The following TBC1D19 variants were observed in gnomAD, a reference collection of about 807,000 sequenced individuals.
The protein encoded by TBC1D19 is TBC1 domain family member 19, also known as TBC1 domain family, member 19.
In TBC1D19, 60 loss-of-function variants were observed where a neutral mutation model predicts 89.0. That is an observed-to-expected ratio of 0.67 (90% CI 0.55 to 0.84). The LOEUF (loss-of-function observed/expected upper bound fraction) is 0.84, where lower values mean the gene tolerates loss of function less well. Ranked by LOEUF, TBC1D19 falls within the 40% of genes least tolerant of loss-of-function variation. TBC1D19 has a pLI of 0.00. For synonymous variants in TBC1D19, 189 were observed against 199.7 expected, an observed-to-expected ratio of 0.95 and a Z score of 0.45; for missense variants, 500 against 610.8, an observed-to-expected ratio of 0.82 and a Z score of 1.91.
intron 1 of TBC1D19, among the ~76,000 whole-genome samples, chr4:26,602,758 T>C (rs1398312884): frequency 1.3e-5 from 2 of 151,742 alleles, no homozygotes; most frequent in East Asian, 3.9e-4. Flanking sequence ...TGTATTATTT[T>C]CCACCACACA....
the TBC1D19 span, among the ~76,000 whole-genome samples, chr4:26,847,196 T>C: frequency 1.3e-5 from 2 of 152,188 alleles, no homozygotes; most frequent in Admixed American, 1.3e-4. Context: ...AATGCCTACC[T>C]TGATGGAACT....
At chr4:26,588,678 ATT>A (rs1246260161) in intron 1 of TBC1D19, among the ~76,000 whole-genome samples, 1 of 152,130 alleles carries the variant, frequency 6.6e-6, no homozygotes, top group East Asian at 1.9e-4. Flanking sequence ...CCCATGGGTT[ATT>A]TATAAATGTG....
chr4:26,667,872 G>A (rs1711954341), intron 9 of TBC1D19, among the ~76,000 whole-genome samples: 1 of 151,964 alleles, frequency 6.6e-6, no homozygotes, highest in South Asian at 2.1e-4. Flanking sequence ...TAGTTTTGTT[G>A]TATGTCCTCA....
At chr4:26,585,483 AAAAT>A (rs929876706) in intron 1 of TBC1D19, among the ~76,000 whole-genome samples, 3 of 152,110 alleles carry the variant, frequency 2.0e-5, no homozygotes, top group East Asian at 3.8e-4. Context: ...CATTAAAAAA[AAAAT>A]AGTGTTGTCT....
chr4:26,653,344 G>C (rs897198455), intron 7 of TBC1D19, among the ~76,000 whole-genome samples: 1 of 152,172 alleles, frequency 6.6e-6, no homozygotes, highest in African/African-American at 2.4e-5. Flanking sequence ...TGTATATTCT[G>C]TTGACTTGGG....
At chr4:26,603,558 A>T (rs1478426039) in intron 1 of TBC1D19, among the ~76,000 whole-genome samples, 4 of 152,160 alleles carry the variant, frequency 2.6e-5, no homozygotes, top group African/African-American at 9.7e-5. Flanking sequence ...ACATATATGT[A>T]TGAGGGTGGA....
upstream of TBC1D19, chr4:26,584,072 T>C: frequency 1.1e-6 from 1 of 945,562 alleles, no homozygotes; most frequent in Non-Finnish European, 1.6e-6. Flanking sequence ...TAACGCCCGC[T>C]GGAGGAGTCC....
At chr4:26,591,196 A>T (rs994892524) in intron 1 of TBC1D19, among the ~76,000 whole-genome samples, 3 of 151,738 alleles carry the variant, frequency 2.0e-5, no homozygotes, top group Non-Finnish European at 2.9e-5. Context: ...TATTCATTTA[A>T]TGTTCCTCTC....
chr4:26,823,255 A>ATTACCTCCCCAT, the TBC1D19 span, among the ~76,000 whole-genome samples: 1 of 152,180 alleles, frequency 6.6e-6, no homozygotes, highest in Non-Finnish European at 1.5e-5. Context: ...ACAGCGGGAA[A>ATTACCTCCCCAT]GACCTGCCCC....
chr4:26,834,360 A>C, the TBC1D19 span, among the ~76,000 whole-genome samples: 1 of 152,208 alleles, frequency 6.6e-6, no homozygotes, highest in Admixed American at 6.5e-5. Flanking sequence ...GCCACAGGTG[A>C]ATCTCTGACT....
chr4:26,600,746 C>A (rs928606757), intron 1 of TBC1D19, among the ~76,000 whole-genome samples: 3 of 152,122 alleles, frequency 2.0e-5, no homozygotes, highest in African/African-American at 7.2e-5. Flanking sequence ...GAAACCAGAG[C>A]AGGGCTGAAA....
intron 1 of TBC1D19, among the ~76,000 whole-genome samples, chr4:26,578,987 T>A (rs1195758222): frequency 6.6e-6 from 1 of 152,232 alleles, no homozygotes; most frequent in Non-Finnish European, 1.5e-5. Context: ...GCTCCTGTCA[T>A]GTAATCTGCT....
intron 1 of TBC1D19, among the ~76,000 whole-genome samples, chr4:26,590,389 T>C (rs905087930): frequency 1.3e-5 from 2 of 152,184 alleles, no homozygotes; most frequent in South Asian, 4.1e-4. Context: ...GTGAGAATGA[T>C]TGGTATGTAA....
rs147075211 is a variant in TBC1D19 at position 26,604,944 on chromosome 4, G to A, written c.100-8225G>A. ...TGAACATTAGTGTGCAAATATCTGAGTGTCTGTTTTCATTTCTTTGGCTAT... is the reference window on the plus strand; with the variant it reads ...TGAACATTAGTGTGCAAATATCTGAATGTCTGTTTTCATTTCTTTGGCTAT... On this transcript the variant is annotated intron_variant, in intron 1 of 20. Transcript: ENST00000264866. 3.4e-4 allele frequency among the ~76,000 whole-genome samples: 51 copies of A among 151,908 alleles called. 1 individual carries two copies. In the East Asian group the frequency reaches 9.1e-3, roughly 27 times the overall value.
At chr4:26,819,745 C>T in the TBC1D19 span, among the ~76,000 whole-genome samples, 3 of 152,154 alleles carry the variant, frequency 2.0e-5, no homozygotes, top group Admixed American at 2.0e-4. Context: ...CTCATGAGGC[C>T]CTACCCAGTA....
In TBC1D19 at chr4:26,584,237, T is replaced by A; in HGVS notation, c.44T>A (p.Ile15Lys). The change falls in exon 1 of 21, where the codon ATA becomes AAA. Residue 15 changes from isoleucine (I) to lysine (K), a missense_variant. Transcript: ENST00000264866. ...ESDLSLIIAQ[I>K]VQKLKGSNLY... ...GACCTCTCTCTCATTATTGCCCAGA[T>A]AGTCCAAAAGCTCAAGGGCTCCAAT... 3 of 1,613,052 alleles carry A rather than the reference T, an allele frequency of 1.9e-6. No homozygotes were observed. The highest frequency in any genetic ancestry group is 2.5e-6 in the Non-Finnish European group (3 of 1,179,734).
chr4:26,764,184 G>A, the TBC1D19 span, among the ~76,000 whole-genome samples: 19 of 152,170 alleles, frequency 1.2e-4, no homozygotes, highest in African/African-American at 4.1e-4. Context: ...GTAATATTTT[G>A]GCTGATTGCT....
the TBC1D19 span, among the ~76,000 whole-genome samples, chr4:26,767,840 C>T: frequency 6.6e-6 from 1 of 152,142 alleles, no homozygotes; most frequent in Non-Finnish European, 1.5e-5. Context: ...AATAATAGTT[C>T]TCAAGATATG....
chr4:26,628,681 G>T (rs1020846880), intron 4 of TBC1D19, among the ~76,000 whole-genome samples: 11 of 151,902 alleles, frequency 7.2e-5, no homozygotes, highest in Non-Finnish European at 1.3e-4. Flanking sequence ...CAAAATCAAC[G>T]TACAAAAATC....
Sources: gnomAD v4.1 joint callset for allele counts (sites outside exome capture counted in the v4.1 genomes callset) on GRCh38, gnomAD v4.1.1 for gene constraint, MANE v1.5 for transcripts, NCBI Gene and HGNC (gene_info 2026-07-23, HGNC 2026-07-21) for gene names.